ADGRV1: variants seen among roughly 807,000 people sequenced by gnomAD.
The protein encoded by ADGRV1 is G-protein coupled receptor 98.
In ADGRV1, 359 loss-of-function variants were observed where a neutral mutation model predicts 596.2. That is an observed-to-expected ratio of 0.60 (90% CI 0.55 to 0.66). ADGRV1 has a LOEUF of 0.66. Ranked by LOEUF, ADGRV1 falls within the 30% of genes least tolerant of loss-of-function variation. The pLI is 0.00. For synonymous variants in ADGRV1, 2,681 were observed against 2,679.2 expected (o/e 1.00, Z -0.02); for missense variants, 7,274 against 7,575.6 (o/e 0.96, Z 1.48).
At chr5:91,031,512 C>T (rs1784482129) in intron 85 of ADGRV1, among the ~76,000 whole-genome samples, 2 of 152,186 alleles carry the variant, frequency 1.3e-5, no homozygotes, top group Admixed American at 6.5e-5. Context: ...CCCTGGGTCA[C>T]CAGGCTGGGA....
In ADGRV1 at chr5:90,745,694, C is replaced by T. The variant is rs761066341; in HGVS notation, c.10873C>T (p.Leu3625Phe). The change falls in exon 52 of 90, where the codon CTT becomes TTT. Residue 3625 changes from leucine to phenylalanine, a missense_variant. This residue lies in a region of ADGRV1 where 3,643 missense variants were observed against 3,809.2 expected (regional missense o/e 0.96). Coordinates refer to ENST00000405460, the MANE Select transcript of ADGRV1 (RefSeq NM_032119.4). ...PEKEESFKVQ[L>F]KNPKGGAEIG... is the part of the protein sequence containing the mutation. ...AAAAGAAGAATCCTTCAAAGTTCAA[C>T]TTAAAAATCCCAAAGGAGGAGCAGA... 1 of 1,611,834 alleles carries T rather than the reference C, an allele frequency of 6.2e-7. No individual in the cohort carries two copies. The highest frequency in any genetic ancestry group is 8.5e-7 in the Non-Finnish European group (1 of 1,178,376).
intron 28 of ADGRV1, among the ~76,000 whole-genome samples, chr5:90,685,538 TGGCGCCACTACACTCCAACACTCC>T (rs1023475224): frequency 6.6e-6 from 1 of 151,748 alleles, no homozygotes; most frequent in Non-Finnish European, 1.5e-5. Context: ...TGAGCCAAGA[TGGCGCCACTACACTCCAACACTCC>T]AGCACTCCAG....
chr5:90,559,735 A>C (rs1388894002), intron 1 of ADGRV1, among the ~76,000 whole-genome samples: 2 of 152,190 alleles, frequency 1.3e-5, no homozygotes, highest in Admixed American at 6.5e-5. Context: ...ATAATTACTG[A>C]GAATTAGGAT....
Position 91,075,455 on chromosome 5 carries a change from G to A in ADGRV1, c.18310+2851G>A, listed in dbSNP as rs530781074. Among the ~76,000 whole-genome samples the A allele has an allele frequency of 1.2e-4, 18 of 152,222 alleles. No homozygotes were observed. The South Asian group carries it at 3.5e-3, about 30-fold the overall frequency. On this transcript the variant is annotated intron_variant, in intron 86 of 89. Transcript: ENST00000405460. ...CATTACTGATATAGTAGATAAAACA[G>A]TACCCTGATTATCAGAAAAAGATAG...
At chr5:90,776,367 G>T in intron 60 of ADGRV1, 86 bp from the exon 61 acceptor site, 1 of 1,243,952 alleles carries the variant, frequency 8.0e-7, no homozygotes. Flanking sequence ...AGATTCCTGT[G>T]TGTAAAGTGC....
chr5:91,100,554 ATGC>A (rs1285692729), intron 86 of ADGRV1, among the ~76,000 whole-genome samples: 1 of 152,190 alleles, frequency 6.6e-6, no homozygotes, highest in African/African-American at 2.4e-5. Context: ...AATGGATAAT[ATGC>A]TAAATAAGCA....
At chr5:90,568,828 C>T (rs933675970) in intron 1 of ADGRV1, among the ~76,000 whole-genome samples, 2 of 152,126 alleles carry the variant, frequency 1.3e-5, no homozygotes, top group African/African-American at 4.8e-5. Flanking sequence ...ATTGTTACAT[C>T]TTTCTGATAA....
chr5:90,700,038 T>C (rs1442233088), intron 34 of ADGRV1, among the ~76,000 whole-genome samples: 1 of 152,198 alleles, frequency 6.6e-6, no homozygotes, highest in East Asian at 1.9e-4. Flanking sequence ...TCTTCATTCC[T>C]AAGCCTTTTC....
At chr5:90,821,732 G>T (rs911920299) in intron 75 of ADGRV1, among the ~76,000 whole-genome samples, 3 of 151,854 alleles carry the variant, frequency 2.0e-5, no homozygotes, top group African/African-American at 7.3e-5. Context: ...CTGCTTCGGG[G>T]TCAGGGGTCA....
intron 83 of ADGRV1, among the ~76,000 whole-genome samples, chr5:90,937,187 A>G (rs892701200): frequency 2.0e-5 from 3 of 152,106 alleles, no homozygotes; most frequent in Admixed American, 6.5e-5. Context: ...TGTACTTTCA[A>G]CCTAATGACT....
At chr5:90,862,090 A>T (rs1767645462) in intron 82 of ADGRV1, among the ~76,000 whole-genome samples, 1 of 152,182 alleles carries the variant, frequency 6.6e-6, no homozygotes, top group Non-Finnish European at 1.5e-5. Flanking sequence ...AATATTTCTA[A>T]GCTGGTCAAA....
At chr5:90,576,055 A>G (rs766086910) in intron 1 of ADGRV1, among the ~76,000 whole-genome samples, 2 of 152,254 alleles carry the variant, frequency 1.3e-5, no homozygotes, top group South Asian at 2.1e-4. Context: ...TTACATTGCC[A>G]TGCGCAATTC....
rs753265478 is a variant in ADGRV1 at position 90,672,647 on chromosome 5, T to G, written c.4854T>G (p.Asp1618Glu). 5 of 1,613,722 alleles carry G rather than the reference T, an allele frequency of 3.1e-6. No individual in the cohort carries two copies. In the East Asian group the frequency reaches 1.1e-4, roughly 36 times the overall value. ...VFYTISQIET[D>E]GINYLVDDFA... ...ACACCATTTCACAGATTGAAACTGA[T>G]GGCATTAATTACCTTGTTGATGACT... The change falls in exon 22 of 90, where the codon GAT (aspartate) becomes GAG (glutamate). Residue 1618 changes from aspartate to glutamate, a missense_variant. By Grantham distance (45) the Asp-to-Glu change is conservative. Transcript: ENST00000405460.
At chr5:90,680,888 A>G (rs1035798288) in intron 26 of ADGRV1, among the ~76,000 whole-genome samples, 2 of 152,192 alleles carry the variant, frequency 1.3e-5, no homozygotes, top group Admixed American at 6.5e-5. Context: ...CCTAGGATTC[A>G]TGCACGTTGG....
At chr5:90,739,170 G>T (rs1753639744) in intron 50 of ADGRV1, among the ~76,000 whole-genome samples, 1 of 151,418 alleles carries the variant, frequency 6.6e-6, no homozygotes. Context: ...TTATTTCTTT[G>T]TCAAATTTCT....
chr5:90,758,898 G>A (rs1425948623), intron 57 of ADGRV1, among the ~76,000 whole-genome samples: 3 of 151,982 alleles, frequency 2.0e-5, no homozygotes, highest in South Asian at 2.1e-4. Context: ...TTTTGACTAC[G>A]TTGCAAGAAC....
intron 83 of ADGRV1, among the ~76,000 whole-genome samples, chr5:90,878,453 G>A (rs750694208): frequency 1.3e-5 from 2 of 152,156 alleles, no homozygotes; most frequent in Admixed American, 6.5e-5. Flanking sequence ...GAATTCGAAG[G>A]CTAACGTTAA....
At chr5:90,850,448 A>G (rs1766372394) in intron 79 of ADGRV1, among the ~76,000 whole-genome samples, 1 of 152,140 alleles carries the variant, frequency 6.6e-6, no homozygotes, top group Middle Eastern at 3.2e-3. Flanking sequence ...CCTCTTATAA[A>G]TGTCTCTAAT....
chr5:90,787,257 T>C (rs916589683), intron 67 of ADGRV1, among the ~76,000 whole-genome samples: 5 of 152,310 alleles, frequency 3.3e-5, no homozygotes, highest in East Asian at 3.9e-4. Context: ...TTTCAAATCA[T>C]AGAAATGTAG....
Sources: gnomAD v4.1 joint callset for allele counts (sites outside exome capture counted in the v4.1 genomes callset) on GRCh38, gnomAD v4.1.1 for gene constraint, gnomAD v4.1.1 regional missense constraint, MANE v1.5 for transcripts, NCBI Gene and HGNC (gene_info 2026-07-23, HGNC 2026-07-21) for gene names.